Variants in ADAM19 observed in about 807,000 individuals in gnomAD.
ADAM19 encodes disintegrin and metalloproteinase domain-containing protein 19.
In ADAM19, 65 loss-of-function variants were observed where a neutral mutation model predicts 114.7. The observed-to-expected ratio is 0.57, with a 90% CI of 0.46 to 0.70. The LOEUF (loss-of-function observed/expected upper bound fraction) is 0.70, where lower values mean the gene tolerates loss of function less well. Ranked by LOEUF, ADAM19 falls within the 30% of genes least tolerant of loss-of-function variation. The pLI is 0.00. For missense variants in ADAM19, 1,063 were observed against 1,204.7 expected (o/e 0.88, Z 1.74); for synonymous variants, 466 against 460.5 (o/e 1.01, Z -0.15).
chr5:157,512,587 A>T (rs1378606451), intron 8 of ADAM19, among the ~76,000 whole-genome samples: 1 of 152,220 alleles, frequency 6.6e-6, no homozygotes, highest in East Asian at 1.9e-4. Context: ...TGCATTTTGT[A>T]CTATAACAAA....
intron 4 of ADAM19, among the ~76,000 whole-genome samples, chr5:157,532,400 T>C (rs1329726886): frequency 6.6e-6 from 1 of 152,188 alleles, no homozygotes; most frequent in East Asian, 1.9e-4. Context: ...ATAAGTCAGG[T>C]AACCATAGAA....
Position 157,479,947 on chromosome 5 carries a change from A to C in ADAM19, c.*1002T>G. ...GCTGAGGTCACAAAACACAATGAAA[A>C]ATAAACATATGACCCCAATGGCCAT... On this transcript the variant is annotated 3_prime_UTR_variant, in exon 23 of 23. Coordinates refer to ENST00000257527, the MANE Select transcript of ADAM19 (RefSeq NM_033274.5). 1.0e-6 allele frequency: 1 copy of C among 985,926 alleles called. No homozygotes were observed. The highest frequency in any genetic ancestry group is 1.2e-6 in the Non-Finnish European group (1 of 830,000). 61.1% of individuals were successfully genotyped at this position (985,926 alleles called of 1,614,324 possible).
chr5:157,491,431 G>A (rs986732647), intron 18 of ADAM19, among the ~76,000 whole-genome samples, 184 bp downstream of exon 18: 4 of 152,204 alleles, frequency 2.6e-5, no homozygotes, highest in Non-Finnish European at 4.4e-5. Context: ...AGACTGAACC[G>A]TGTCCCCACA....
At chr5:157,528,251 A>G (rs1756526998) in intron 5 of ADAM19, among the ~76,000 whole-genome samples, 1 of 152,208 alleles carries the variant, frequency 6.6e-6, no homozygotes, top group South Asian at 2.1e-4. Context: ...TGGGAAAGTA[A>G]GGCAGGTGGA....
intron 19 of ADAM19, 138 bp downstream of exon 19, chr5:157,490,172 G>T: frequency 1.1e-6 from 1 of 887,822 alleles, no homozygotes; most frequent in Non-Finnish European, 1.8e-6. Context: ...GTCATAGCAG[G>T]GGAGAGGGCA....
At chr5:157,556,739 T>C (rs1246622607) in intron 3 of ADAM19, among the ~76,000 whole-genome samples, 1 of 152,246 alleles carries the variant, frequency 6.6e-6, no homozygotes, top group African/African-American at 2.4e-5. Flanking sequence ...GTAAATTATT[T>C]AAACTCCTCA....
At chr5:157,516,255 T>C (rs1363312248) in intron 7 of ADAM19, among the ~76,000 whole-genome samples, 1 of 152,056 alleles carries the variant, frequency 6.6e-6, no homozygotes, top group Non-Finnish European at 1.5e-5. Flanking sequence ...CGGAGGGGTG[T>C]CCAGGACTGA....
Position 157,513,426 on chromosome 5 carries a change from G to A in ADAM19, c.738+8C>T. The A allele has an allele frequency of 6.2e-7, 1 of 1,613,352 alleles. No individual in the cohort carries two copies. Among genetic ancestry groups the A allele is most frequent in the South Asian group, 1.1e-5 (1 of 91,042 alleles). On this transcript the variant is annotated splice_region_variant and intron_variant, in intron 8 of 22. Transcript: ENST00000257527. ...CACCTTTCCCACAAAGTACACACCT[G>A]GTCTCACCTTATCAACATAGTTGGC...
rs958466308 is a variant in ADAM19, at chr5:157,518,804, C to T, written c.666+19G>A. On this transcript the variant is annotated intron_variant, in intron 7 of 22. Transcript: ENST00000257527. The stretch of plus-strand genomic sequence containing the variant: ...TCAAGAGAGCAGTTTTTCTGCAAGA[C>T]CCATTGCCTCCCCCTTACCTCTAAA... 2.5e-6 allele frequency: 4 copies of T among 1,604,380 alleles called. No homozygotes were observed. Among genetic ancestry groups the T allele is most frequent in the East Asian group, 2.2e-5 (1 of 44,858 alleles).
chr5:157,506,419 T>C (rs1266897386), intron 10 of ADAM19, among the ~76,000 whole-genome samples: 3 of 152,234 alleles, frequency 2.0e-5, no homozygotes. Flanking sequence ...CTATGCGTTT[T>C]TTACAGCTGA....
chr5:157,533,006 G>T (rs1417577016), intron 4 of ADAM19, among the ~76,000 whole-genome samples: 1 of 152,104 alleles, frequency 6.6e-6, no homozygotes, highest in South Asian at 2.1e-4. Context: ...AAATAATCAT[G>T]AAATTCTCCT....
intron 3 of ADAM19, among the ~76,000 whole-genome samples, chr5:157,557,325 A>C (rs1757393083): frequency 6.6e-6 from 1 of 152,236 alleles, no homozygotes; most frequent in Non-Finnish European, 1.5e-5. Flanking sequence ...TCTGGGACCA[A>C]AGTCCAAATC....
rs745870799 is a variant in ADAM19 at position 157,519,997 on chromosome 5, C to T, written c.442G>A (p.Val148Ile). 18 of 1,613,998 alleles carry T rather than the reference C, an allele frequency of 1.1e-5. No individual in the cohort carries two copies. Among genetic ancestry groups the T allele is most frequent in the Middle Eastern group, 1.7e-4 (1 of 6,060 alleles). Residue 148 changes from valine (V) to isoleucine (I), a missense_variant, in exon 6 of 23, where the codon GTC becomes ATC. By Grantham distance (29) the Val-to-Ile change is conservative (BLOSUM62 3). This residue lies in a region of ADAM19 where 615 missense variants were observed against 706.3 expected (regional missense o/e 0.87). Coordinates refer to ENST00000257527, the MANE Select transcript of ADAM19 (RefSeq NM_033274.5). The part of the protein sequence containing the change: ...LITVSSNLSY[V>I]IEPLPDSKGQ... ...TTGCTGTCAGGGAGGGGCTCGATGA[C>T]GTAGCTGAGGTTGCTGCTCACCGTA... is the stretch of plus-strand genomic sequence containing the variant.
At chr5:157,575,570 C>T in intron 1 of ADAM19, 33 bp downstream of exon 1, 1 of 1,437,236 alleles carries the variant, frequency 7.0e-7, no homozygotes. Context: ...TCCGGGCCAC[C>T]CAGCCTCCAT....
intron 5 of ADAM19, among the ~76,000 whole-genome samples, chr5:157,525,775 C>A (rs1377790729): frequency 6.6e-6 from 1 of 152,210 alleles, no homozygotes; most frequent in Non-Finnish European, 1.5e-5. Flanking sequence ...TTATTCCAGG[C>A]CATCATGCAC....
chr5:157,529,676 T>G (rs1285465292), intron 5 of ADAM19, among the ~76,000 whole-genome samples: 2 of 152,212 alleles, frequency 1.3e-5, no homozygotes, highest in Admixed American at 6.5e-5. Context: ...GCTGACAGTG[T>G]GCCACTGCAA....
chr5:157,525,655 G>A (rs1756431765), intron 5 of ADAM19, among the ~76,000 whole-genome samples: 2 of 152,000 alleles, frequency 1.3e-5, no homozygotes, highest in Non-Finnish European at 1.5e-5. Flanking sequence ...CCTGGCCACA[G>A]CAAAGACAAG....
At chr5:157,503,331 G>C (rs747789237) in intron 11 of ADAM19, among the ~76,000 whole-genome samples, 87 of 152,022 alleles carry the variant, frequency 5.7e-4, no homozygotes, top group Admixed American at 3.9e-4. Flanking sequence ...ATAACACACC[G>C]GGGCCTGTTG....
intron 9 of ADAM19, among the ~76,000 whole-genome samples, chr5:157,507,579 G>A (rs1217443241): frequency 2.0e-5 from 3 of 152,206 alleles, no homozygotes; most frequent in African/African-American, 7.2e-5. Flanking sequence ...CTGGCTCTGT[G>A]GTGTGAGTCC....
Sources: allele counts gnomAD v4.1 joint callset (sites outside exome capture counted in the v4.1 genomes callset), GRCh38; gene constraint gnomAD v4.1.1; regional missense constraint gnomAD v4.1.1; transcripts MANE v1.5; gene names NCBI Gene and HGNC (gene_info 2026-07-23, HGNC 2026-07-21).